PIK3R5: variants seen among roughly 807,000 people sequenced by gnomAD.
PIK3R5 encodes the protein phosphoinositide-3-kinase regulatory subunit 5.
PIK3R5 carries 32 observed loss-of-function variants against 94.9 expected under a neutral mutation model. That is an observed-to-expected ratio of 0.34 (90% CI 0.25 to 0.45). The LOEUF (loss-of-function observed/expected upper bound fraction) is 0.45, where lower values mean the gene tolerates loss of function less well. PIK3R5 is among the 20% of genes least tolerant of loss of function. PIK3R5 has a pLI of 1.00. For synonymous variants in PIK3R5, 443 were observed against 479.4 expected, an observed-to-expected ratio of 0.92 and a Z score of 0.99; for missense variants, 853 against 1,144.6, an observed-to-expected ratio of 0.75 and a Z score of 3.68.
Position 8,911,510 on chromosome 17 carries a change from G to A in PIK3R5, c.-13-3C>T, listed in dbSNP as rs756103252. 8.2e-6 allele frequency: 13 copies of A among 1,579,728 alleles called. No homozygotes were observed. The highest frequency in any genetic ancestry group is 7.7e-5 in the South Asian group (7 of 90,514). On this transcript the variant is annotated splice_polypyrimidine_tract_variant and splice_region_variant and intron_variant, in intron 1 of 18. Transcript: ENST00000447110. This position sits in a 1 kb window ranked among gnomAD's most constrained non-coding sequence, Gnocchi z 5.3. ...CTGGCTGCATCCTGGGTCATCGCCT[G>A]CATGGGGGACAGACGCCGGTCAGCT...
At position 8,935,234 on chromosome 17, in the gene PIK3R5, G is replaced by T. The variant is rs1018427679; in HGVS notation, c.-13-23727C>A. Among the ~76,000 whole-genome samples, 1 of 152,108 alleles carries T rather than the reference G, an allele frequency of 6.6e-6. No homozygotes were observed. The highest frequency in any genetic ancestry group is 2.4e-5 in the African/African-American group (1 of 41,398). On this transcript the variant is annotated intron_variant, in intron 1 of 18. Coordinates refer to ENST00000447110, the MANE Select transcript of PIK3R5 (RefSeq NM_001142633.3). This position sits in a 1 kb window ranked among gnomAD's most constrained non-coding sequence, Gnocchi z 4.5. ...CGTCAATGTCCCATCTAACATAATGGTTCTAACCCCAGTGCCTGGCACAGG... is the reference window on the plus strand; with the variant it reads ...CGTCAATGTCCCATCTAACATAATGTTTCTAACCCCAGTGCCTGGCACAGG...
At chr17:8,957,074 T>C (rs547118564) in intron 1 of PIK3R5, among the ~76,000 whole-genome samples, 1 of 152,306 alleles carries the variant, frequency 6.6e-6, no homozygotes, top group South Asian at 2.1e-4. Context: ...TCAAGGTCAC[T>C]GAACTACTCA....
At position 8,881,844 on chromosome 17, in the gene PIK3R5, T is replaced by C; in HGVS notation, c.2243A>G (p.Glu748Gly). 6.2e-7 allele frequency: 1 copy of C among 1,614,114 alleles called. No individual in the cohort carries two copies. The highest frequency in any genetic ancestry group is 1.1e-5 in the South Asian group (1 of 91,056). ...GAGGTTCACGGAGGTACAGACCTTCTCCAGGTTGCTCCAGCGACTTCGTCC... is the reference window on the plus strand; with the variant it reads ...GAGGTTCACGGAGGTACAGACCTTCCCCAGGTTGCTCCAGCGACTTCGTCC... ...ISGRSRWSNL[E>G]KVCTSVNLNK... is the part of the protein sequence containing the mutation. The change falls in exon 16 of 19, where the codon GAG (glutamate) becomes GGG (glycine). Residue 748 changes from glutamate (E) to glycine (G), a missense_variant. Physicochemically the swap from Glu to Gly is moderately conservative, Grantham distance 98. Transcript: ENST00000447110. This position sits in a 1 kb window ranked among gnomAD's most constrained non-coding sequence, Gnocchi z 4.8.
rs1036020309 is a variant in PIK3R5, at chr17:8,904,285, G to T, written c.412+492C>A. Among the ~76,000 whole-genome samples, 1 of 152,296 alleles carries T rather than the reference G, an allele frequency of 6.6e-6. No homozygotes were observed. The highest frequency in any genetic ancestry group is 1.5e-5 in the Non-Finnish European group (1 of 68,018). ...TTCAGACCCCACACATGAAAACTGAGTCCCGGGTCTTGTCCACATTTGTCA... is the reference window on the plus strand; with the variant it reads ...TTCAGACCCCACACATGAAAACTGATTCCCGGGTCTTGTCCACATTTGTCA... On this transcript the variant is annotated intron_variant, in intron 5 of 18. Transcript: ENST00000447110. This position sits in a 1 kb window ranked among gnomAD's most constrained non-coding sequence, Gnocchi z 5.1.
At chr17:8,954,218 A>G (rs534794776) in intron 1 of PIK3R5, among the ~76,000 whole-genome samples, 1 of 152,164 alleles carries the variant, frequency 6.6e-6, no homozygotes, top group Non-Finnish European at 1.5e-5. Flanking sequence ...TTTGTGAAAA[A>G]TGCTTTGTAT....
chr17:8,909,285 A>C lies in PIK3R5; in HGVS notation c.104-111T>G, dbSNP rs1597394935. 3.1e-6 allele frequency: 2 copies of C among 647,142 alleles called. No homozygotes were observed. The highest frequency in any genetic ancestry group is 5.6e-5 in the East Asian group (2 of 35,544). The allele number at this position is 647,142 out of a possible 1,614,324, so 40.1% of individuals were successfully genotyped here. A position where few individuals can be genotyped will look rare whatever the true frequency, so the allele number is the denominator to read the frequency against. Reference sequence around the variant, plus strand: ...CTGGAACATTTTTCTGTGGTATTGCACTGGAACACTCTTTTTTTTTTTTGA... The same window carrying C: ...CTGGAACATTTTTCTGTGGTATTGCCCTGGAACACTCTTTTTTTTTTTTGA... On this transcript the variant is annotated intron_variant, in intron 2 of 18. Transcript: ENST00000447110. This position sits in a 1 kb window ranked among gnomAD's most constrained non-coding sequence, Gnocchi z 4.3.
chr17:8,908,530 AACACACACACACACACACAC>A (rs3138608), intron 3 of PIK3R5, among the ~76,000 whole-genome samples: 1 of 136,582 alleles, frequency 7.3e-6, no homozygotes, highest in African/African-American at 2.8e-5. Context: ...AAATAATTAA[AACACACACACACACACACAC>A]ACACACACAC....
chr17:8,893,961 C>A lies in PIK3R5; in HGVS notation c.413-306G>T. ...GCCCTCCCTTCCTAAGAGCTTTCCA[C>A]TCCCCTTGTGGCTCAGGTCCCGGCT... On this transcript the variant is annotated intron_variant, in intron 5 of 18. Transcript: ENST00000447110. This position sits in a 1 kb window ranked among gnomAD's most constrained non-coding sequence, Gnocchi z 5.1. 1 of 238,432 alleles carries A rather than the reference C, an allele frequency of 4.2e-6. No individual in the cohort carries two copies. Among genetic ancestry groups the A allele is most frequent in the Non-Finnish European group, 8.3e-6 (1 of 120,728 alleles). 14.8% of individuals were successfully genotyped at this position (238,432 alleles called of 1,614,324 possible).
intron 1 of PIK3R5, among the ~76,000 whole-genome samples, chr17:8,958,484 T>A (rs1038356491): frequency 2.0e-5 from 3 of 149,834 alleles, no homozygotes; most frequent in Non-Finnish European, 4.4e-5. Context: ...TTTAAAAAAG[T>A]ATTGGACAAA....
intron 5 of PIK3R5, among the ~76,000 whole-genome samples, chr17:8,899,337 C>CG (rs925798875): frequency 5.3e-5 from 8 of 152,274 alleles, no homozygotes; most frequent in African/African-American, 1.9e-4. Context: ...TAAGACTTCA[C>CG]GGGGGGAGGG....
chr17:8,912,758 G>A (rs946932915), intron 1 of PIK3R5, among the ~76,000 whole-genome samples: 6 of 152,214 alleles, frequency 3.9e-5, no homozygotes, highest in Admixed American at 6.5e-5. Context: ...GTTCAGCTGC[G>A]CGGCTAGAGT....
At chr17:8,960,047 A>T (rs2091533541) in intron 1 of PIK3R5, among the ~76,000 whole-genome samples, 1 of 152,128 alleles carries the variant, frequency 6.6e-6, no homozygotes, top group Admixed American at 6.5e-5. Context: ...CATAAGCTGG[A>T]CCTTGGAATA....
chr17:8,907,339 G>A (rs2090419048), intron 3 of PIK3R5, among the ~76,000 whole-genome samples: 1 of 151,880 alleles, frequency 6.6e-6, no homozygotes, highest in African/African-American at 2.4e-5. Flanking sequence ...CATCTTATTA[G>A]TTTCATTGTG....
Position 8,962,558 on chromosome 17 carries a change from G to A in PIK3R5, c.-14+3038C>T, listed in dbSNP as rs560427502. ...ATAATTCTGTGTGGACCTGTGTATC[G>A]CTAACACATCCCCCAAATCTATAAA... On this transcript the variant is annotated intron_variant, in intron 1 of 18. Transcript: ENST00000447110. Among the ~76,000 whole-genome samples, 5 of 152,238 alleles carry A rather than the reference G, an allele frequency of 3.3e-5. No homozygotes were observed. The East Asian group carries it at 7.7e-4, about 23-fold the overall frequency.
intron 1 of PIK3R5, among the ~76,000 whole-genome samples, chr17:8,940,357 G>A (rs1005154642): frequency 2.0e-5 from 3 of 151,662 alleles, no homozygotes; most frequent in African/African-American, 7.3e-5. Flanking sequence ...GTTCAGAGCT[G>A]CTGCAAGAAG....
intron 1 of PIK3R5, among the ~76,000 whole-genome samples, chr17:8,942,334 C>T (rs975457605): frequency 6.6e-6 from 1 of 152,154 alleles, no homozygotes. Flanking sequence ...TGGAGAGCCC[C>T]TCCCTGCCCC....
At chr17:8,961,974 G>GCAAC (rs1473036965) in intron 1 of PIK3R5, among the ~76,000 whole-genome samples, 5 of 152,216 alleles carry the variant, frequency 3.3e-5, no homozygotes, top group African/African-American at 1.2e-4. Context: ...CTACAAGCAA[G>GCAAC]CAACCAAACA....
chr17:8,917,313 A>G (rs1887117480), intron 1 of PIK3R5, among the ~76,000 whole-genome samples: 1 of 152,194 alleles, frequency 6.6e-6, no homozygotes, highest in African/African-American at 2.4e-5. Flanking sequence ...CCCAAAATTA[A>G]ATAAATAATC....
chr17:8,914,701 G>A lies in PIK3R5; in HGVS notation c.-13-3194C>T, dbSNP rs182149818. Reference sequence around the variant, plus strand: ...GCCGGCAAACTCGCTCGCCTGCTCCGGTGCTGCCTGTGAGCCATGGCAGGG... The same window carrying A: ...GCCGGCAAACTCGCTCGCCTGCTCCAGTGCTGCCTGTGAGCCATGGCAGGG... On this transcript the variant is annotated intron_variant, in intron 1 of 18. Coordinates refer to ENST00000447110, the MANE Select transcript of PIK3R5 (RefSeq NM_001142633.3). Among the ~76,000 whole-genome samples the A allele has an allele frequency of 5.9e-5, 9 of 152,326 alleles. No homozygotes were observed. The East Asian group carries it at 1.2e-3, about 20-fold the overall frequency.
Sources: allele counts gnomAD v4.1 joint callset (sites outside exome capture counted in the v4.1 genomes callset), GRCh38; gene constraint gnomAD v4.1.1; non-coding constraint Gnocchi (gnomAD v3.1); transcripts MANE v1.5; gene names NCBI Gene and HGNC (gene_info 2026-07-23, HGNC 2026-07-21).